COL4A5: variants seen among roughly 807,000 people sequenced by gnomAD.
The protein encoded by COL4A5 is collagen type IV alpha 5 chain.
A neutral mutation model predicts 130.2 loss-of-function variants in COL4A5; 26 were observed. The ratio of observed to expected loss-of-function variants is 0.20; its 90% CI spans 0.15 to 0.28. The LOEUF (loss-of-function observed/expected upper bound fraction) is 0.28, where lower values mean the gene tolerates loss of function less well. Among genes scored for constraint, COL4A5 ranks in the 10% least tolerant of loss-of-function variants. The pLI, the probability that COL4A5 is intolerant of heterozygous loss-of-function variation, is 1.00. For synonymous variants in COL4A5, 496 were observed against 439.6 expected (o/e 1.13, Z -1.60); for missense variants, 1,131 against 1,344.3 (o/e 0.84, Z 2.48).
intron 1 of COL4A5, among the ~76,000 whole-genome samples, chrX:108,487,494 G>A (rs1245283793): frequency 9.1e-6 from 1 of 110,026 alleles, no homozygotes; most frequent in African/African-American, 3.3e-5. Flanking sequence ...GCCATTCTTG[G>A]GGAGTGAGAT....
At chrX:108,526,595 C>CCTTT (rs1166494631) in intron 1 of COL4A5, among the ~76,000 whole-genome samples, 1,392 of 33,026 alleles carry the variant, frequency 0.042, 117 homozygotes, top group East Asian at 0.072. Flanking sequence ...CTCCCTCCCT[C>CCTTT]CTTTCTTTCT....
intron 3 of COL4A5, among the ~76,000 whole-genome samples, chrX:108,560,120 A>G (rs774447905): frequency 5.1e-4 from 57 of 112,082 alleles, no homozygotes; most frequent in African/African-American, 1.8e-3. Context: ...AGGCCACAGT[A>G]GATTATGGTC....
intron 1 of COL4A5, among the ~76,000 whole-genome samples, chrX:108,501,928 G>A (rs1428864854): frequency 8.9e-6 from 1 of 111,891 alleles, no homozygotes; most frequent in Non-Finnish European, 1.9e-5. Flanking sequence ...AGAAGGAAAT[G>A]GACTCTTATG....
At chrX:108,495,815 A>G (rs1212297654) in intron 1 of COL4A5, among the ~76,000 whole-genome samples, 2 of 112,207 alleles carry the variant, frequency 1.8e-5, no homozygotes. Flanking sequence ...CCATGATGGC[A>G]GGGATGGAAA....
chrX:108,459,245 A>G (rs1213469591), intron 1 of COL4A5, among the ~76,000 whole-genome samples: 1 of 111,380 alleles, frequency 9.0e-6, no homozygotes, highest in African/African-American at 3.3e-5. Context: ...AACTACATAC[A>G]TGATTATGTC....
intron 1 of COL4A5, among the ~76,000 whole-genome samples, chrX:108,535,084 CTCTA>C (rs1247252666): frequency 2.7e-5 from 3 of 111,187 alleles, no homozygotes; most frequent in African/African-American, 9.8e-5. Flanking sequence ...CTCTCTTCAG[CTCTA>C]TCTAGTCTGT....
chrX:108,655,219 GTACT>G, intron 36 of COL4A5, 108 bp from the exon 37 acceptor site: 1 of 845,811 alleles, frequency 1.2e-6, no homozygotes, highest in Non-Finnish European at 1.7e-6. Flanking sequence ...TTTACATCAA[GTACT>G]TACTGGAGTG....
intron 37 of COL4A5, among the ~76,000 whole-genome samples, chrX:108,665,112 T>G (rs1024897946): frequency 1.8e-5 from 2 of 112,268 alleles, no homozygotes; most frequent in African/African-American, 6.5e-5. Flanking sequence ...GCAGCTTTAT[T>G]TATAATAGAT....
At chrX:108,450,296 G>A (rs970579343) in intron 1 of COL4A5, among the ~76,000 whole-genome samples, 1 of 111,632 alleles carries the variant, frequency 9.0e-6, no homozygotes, top group African/African-American at 3.3e-5. Context: ...GTCTTGCTGT[G>A]TTGCCCCAGC....
intron 36 of COL4A5, among the ~76,000 whole-genome samples, chrX:108,647,594 C>G (rs2067626731): frequency 9.0e-6 from 1 of 111,183 alleles, no homozygotes; most frequent in South Asian, 3.8e-4. Context: ...GCCTGATTGC[C>G]CTGGACAGAA....
rs771579719 is a variant in COL4A5 at position 108,564,400 on chromosome X, G to T, written c.276+474G>T. ...GTTTAGTTTAAACCACTGTATTAAA[G>T]AATAACTATTTTTGGAATACTGCAT... On this transcript the variant is annotated intron_variant, in intron 4 of 52. Transcript: ENST00000328300. 9.0e-5 allele frequency among the ~76,000 whole-genome samples: 10 copies of T among 111,591 alleles called. No individual in the cohort carries two copies. In the South Asian group the frequency reaches 3.7e-3, roughly 41 times the overall value.
intron 1 of COL4A5, among the ~76,000 whole-genome samples, chrX:108,498,380 G>A (rs1316086757): frequency 9.0e-6 from 1 of 110,917 alleles, no homozygotes; most frequent in Admixed American, 9.6e-5. Context: ...CACTGTCTTG[G>A]TATTGTATAG....
intron 42 of COL4A5, among the ~76,000 whole-genome samples, chrX:108,673,273 G>A (rs935312921): frequency 9.0e-6 from 1 of 111,543 alleles, no homozygotes; most frequent in Admixed American, 9.5e-5. Context: ...CAGAAAGATT[G>A]AATTGCCCAA....
intron 33 of COL4A5, among the ~76,000 whole-genome samples, chrX:108,623,701 A>G (rs1369822331): frequency 8.9e-6 from 1 of 111,908 alleles, no homozygotes; most frequent in Non-Finnish European, 1.9e-5. Flanking sequence ...AGATGTTAAC[A>G]GTTTCCCTAT....
intron 48 of COL4A5, 112 bp downstream of exon 48, chrX:108,686,241 G>C (rs1174658055): frequency 1.7e-6 from 1 of 583,281 alleles, no homozygotes; most frequent in Non-Finnish European, 2.9e-6. Flanking sequence ...TGTTAGCATA[G>C]CTGACTGGTG....
chrX:108,482,697 C>T (rs1255286849), intron 1 of COL4A5, among the ~76,000 whole-genome samples: 1 of 111,580 alleles, frequency 9.0e-6, no homozygotes, highest in African/African-American at 3.3e-5. Flanking sequence ...CACATAAGAG[C>T]TTGTGTATGT....
At chrX:108,634,413 G>C (rs967962546) in intron 36 of COL4A5, among the ~76,000 whole-genome samples, 5 of 111,182 alleles carry the variant, frequency 4.5e-5, no homozygotes, top group Non-Finnish European at 7.6e-5. Context: ...AAAGGATGAA[G>C]ATGTCACAGA....
At chrX:108,474,224 G>T (rs953237630) in intron 1 of COL4A5, among the ~76,000 whole-genome samples, 1 of 111,331 alleles carries the variant, frequency 9.0e-6, no homozygotes, top group African/African-American at 3.3e-5. Flanking sequence ...GTCCATTCAT[G>T]GTAAGTGCCC....
chrX:108,507,048 A>T (rs771219118), intron 1 of COL4A5, among the ~76,000 whole-genome samples: 2 of 110,458 alleles, frequency 1.8e-5, no homozygotes, highest in Non-Finnish European at 3.8e-5. Context: ...TGAATCAGTA[A>T]TAAATAGCCT....
Sources: allele counts gnomAD v4.1 joint callset (sites outside exome capture counted in the v4.1 genomes callset), GRCh38; gene constraint gnomAD v4.1.1; transcripts MANE v1.5; gene names NCBI Gene and HGNC (gene_info 2026-07-23, HGNC 2026-07-21).